The following SLC37A3 variants were observed in gnomAD, a reference collection of about 807,000 sequenced individuals.
The protein encoded by SLC37A3 is solute carrier family 37 member 3.
Under a neutral mutation model 67.1 loss-of-function variants are expected in SLC37A3, and 51 were observed. That is an observed-to-expected ratio of 0.76 (90% CI 0.61 to 0.96). The LOEUF is 0.96. Among genes scored for constraint, SLC37A3 ranks in the 40% least tolerant of loss-of-function variants. The pLI is 0.00. For synonymous variants in SLC37A3, 214 were observed against 231.4 expected (o/e 0.92, Z 0.68); for missense variants, 508 against 603.0 (o/e 0.84, Z 1.65).
intron 1 of SLC37A3, among the ~76,000 whole-genome samples, chr7:140,383,116 C>T (rs910264010): frequency 2.0e-5 from 3 of 151,242 alleles, no homozygotes; most frequent in African/African-American, 4.9e-5. Flanking sequence ...GTGTTTGACA[C>T]AAAAATTCAA....
intron 1 of SLC37A3, among the ~76,000 whole-genome samples, chr7:140,391,753 A>C (rs182035573): frequency 1.8e-4 from 27 of 152,268 alleles, no homozygotes; most frequent in African/African-American, 6.3e-4. Flanking sequence ...AGTAACTCAC[A>C]ATCTTCCTGC....
intron 1 of SLC37A3, among the ~76,000 whole-genome samples, chr7:140,388,473 GA>G (rs11430425): frequency 4.6e-4 from 65 of 141,792 alleles, no homozygotes; most frequent in Admixed American, 7.1e-4. Context: ...ATTCTCTCCA[GA>G]AAAAAAAAAA....
At chr7:140,380,131 G>T (rs1798192058) in intron 3 of SLC37A3, 151 bp downstream of exon 3, 2 of 453,052 alleles carry the variant, frequency 4.4e-6, no homozygotes, top group African/African-American at 4.0e-5. Flanking sequence ...AGCAGGCTTT[G>T]AAATTAGAAT....
intron 5 of SLC37A3, among the ~76,000 whole-genome samples, chr7:140,359,725 T>C (rs1236373613): frequency 1.3e-5 from 2 of 152,230 alleles, no homozygotes; most frequent in East Asian, 3.8e-4. Flanking sequence ...TGTATAATAC[T>C]GTCTAGTTCC....
At chr7:140,365,596 C>T (rs1797565658) in intron 4 of SLC37A3, among the ~76,000 whole-genome samples, 1 of 152,160 alleles carries the variant, frequency 6.6e-6, no homozygotes, top group Non-Finnish European at 1.5e-5. Flanking sequence ...TGGCTTGCGC[C>T]TGTAATCCCA....
intron 5 of SLC37A3, 47 bp from the exon 6 acceptor site, chr7:140,358,832 C>CT (rs1563024272): frequency 6.2e-7 from 1 of 1,607,780 alleles, no homozygotes; most frequent in East Asian, 2.2e-5. Context: ...CACACTGACA[C>CT]TTTCAGTGGA....
chr7:140,387,707 A>AC (rs1478430360), intron 1 of SLC37A3, among the ~76,000 whole-genome samples: 6 of 97,640 alleles, frequency 6.1e-5, no homozygotes, highest in South Asian at 2.6e-4. Flanking sequence ...ATATAAATAT[A>AC]AATATACTAT....
At chr7:140,372,532 A>G (rs906362237) in intron 3 of SLC37A3, among the ~76,000 whole-genome samples, 7 of 152,222 alleles carry the variant, frequency 4.6e-5, no homozygotes, top group African/African-American at 1.7e-4. Context: ...TGCTCACTGC[A>G]GCATGCTCAC....
At position 140,355,842 on chromosome 7, in the gene SLC37A3, A is replaced by C. The variant is rs1292097306; in HGVS notation, c.522-78T>G. 3.3e-6 allele frequency: 4 copies of C among 1,229,848 alleles called. No individual in the cohort carries two copies. The African/African-American group carries it at 6.0e-5, about 19-fold the overall frequency. The allele number at this position is 1,229,848 out of a possible 1,614,324, so 76.2% of individuals were successfully genotyped here. A position where few individuals can be genotyped will look rare whatever the true frequency, so the allele number is the denominator to read the frequency against. ...GGGCAGTTCAAAATACAAAACAGCC[A>C]AAACAACCAAGGTGCATACTACCAA... On this transcript the variant is annotated intron_variant, in intron 6 of 14. Coordinates refer to ENST00000326232, the MANE Select transcript of SLC37A3 (RefSeq NM_207113.3).
At chr7:140,377,032 C>G (rs1290778161) in intron 3 of SLC37A3, among the ~76,000 whole-genome samples, 2 of 151,126 alleles carry the variant, frequency 1.3e-5, no homozygotes, top group African/African-American at 4.9e-5. Context: ...CAAACTCCAC[C>G]TCCTAGGTTC....
At chr7:140,357,080 G>A (rs1225692818) in intron 6 of SLC37A3, among the ~76,000 whole-genome samples, 1 of 152,050 alleles carries the variant, frequency 6.6e-6, no homozygotes, top group Non-Finnish European at 1.5e-5. Flanking sequence ...TGGGCATGGT[G>A]GCGGGCCCCT....
At chr7:140,391,514 C>T (rs1232167738) in intron 1 of SLC37A3, among the ~76,000 whole-genome samples, 2 of 152,178 alleles carry the variant, frequency 1.3e-5, no homozygotes, top group Non-Finnish European at 2.9e-5. Context: ...CGAGATCAGG[C>T]CACTGCACTC....
chr7:140,392,377 T>A (rs1446334248), intron 1 of SLC37A3, among the ~76,000 whole-genome samples: 1 of 152,098 alleles, frequency 6.6e-6, no homozygotes, highest in East Asian at 1.9e-4. Context: ...CATTACTAAA[T>A]CCAGTCCTTT....
At chr7:140,393,020 A>G (rs1798780697) in intron 1 of SLC37A3, among the ~76,000 whole-genome samples, 1 of 152,066 alleles carries the variant, frequency 6.6e-6, no homozygotes, top group African/African-American at 2.4e-5. Flanking sequence ...TGAACCCAGG[A>G]GGTGGAGGTT....
At chr7:140,394,766 G>A (rs55802485) in intron 1 of SLC37A3, among the ~76,000 whole-genome samples, 7 of 151,428 alleles carry the variant, frequency 4.6e-5, no homozygotes, top group Middle Eastern at 3.4e-3. Context: ...GCACCACCAC[G>A]TCCAGCTAAT....
chr7:140,368,529 T>C (rs1797696782), intron 4 of SLC37A3, among the ~76,000 whole-genome samples: 1 of 152,000 alleles, frequency 6.6e-6, no homozygotes, highest in African/African-American at 2.4e-5. Flanking sequence ...ATTGTGCCAT[T>C]GCACTCCAGC....
intron 2 of SLC37A3, among the ~76,000 whole-genome samples, chr7:140,382,013 CAAAA>C (rs35848661): frequency 3.3e-5 from 3 of 90,732 alleles, no homozygotes; most frequent in African/African-American, 8.7e-5. Context: ...TACTCCGTCT[CAAAA>C]AAAAAAAAAA....
In SLC37A3 at chr7:140,346,815, G is replaced by A. The variant is rs182032439; in HGVS notation, c.1025-845C>T. ...AGGCTGAGGTAGGAGGATGGCTTGAGCCCAGGAGGTTGAGGCTGTGGTGAA... is the reference window on the plus strand; with the variant it reads ...AGGCTGAGGTAGGAGGATGGCTTGAACCCAGGAGGTTGAGGCTGTGGTGAA... On this transcript the variant is annotated intron_variant, in intron 10 of 14. Transcript: ENST00000326232. Among the ~76,000 whole-genome samples the A allele has an allele frequency of 3.9e-4, 59 of 152,260 alleles. No individual in the cohort carries two copies. The East Asian group carries it at 0.011, about 29-fold the overall frequency.
intron 4 of SLC37A3, among the ~76,000 whole-genome samples, chr7:140,365,823 A>G (rs1201244536): frequency 2.0e-5 from 3 of 148,740 alleles, no homozygotes; most frequent in Non-Finnish European, 4.4e-5. Context: ...AGTAGATTCT[A>G]TGTTGTCTAG....
Sources: gnomAD v4.1 joint callset for allele counts (sites outside exome capture counted in the v4.1 genomes callset) on GRCh38, gnomAD v4.1.1 for gene constraint, MANE v1.5 for transcripts, NCBI Gene and HGNC (gene_info 2026-07-23, HGNC 2026-07-21) for gene names.